The following WASHC5 variants were observed in gnomAD, a reference collection of about 807,000 sequenced individuals.
WASHC5 encodes the protein WASH complex subunit 5.
A neutral mutation model predicts 150.4 loss-of-function variants in WASHC5; 101 were observed. The observed-to-expected ratio is 0.67, with a 90% CI of 0.57 to 0.79. The LOEUF (loss-of-function observed/expected upper bound fraction) is 0.79. Among genes scored for constraint, WASHC5 ranks in the 30% least tolerant of loss-of-function variants. The pLI is 0.00. For synonymous variants in WASHC5, 467 were observed against 491.2 expected (o/e 0.95, Z 0.65); for missense variants, 1,195 against 1,396.3 (o/e 0.86, Z 2.30).
rs775481571 is a variant in WASHC5 at position 125,047,351 on chromosome 8, A to C, written c.2380-20T>G. 4 of 1,610,886 alleles carry C rather than the reference A, an allele frequency of 2.5e-6. No individual in the cohort carries two copies. ...TTGAATCTAGAAAACAAAACCATCA[A>C]TATTTAGTAAACCTTTGATAAGATA... On this transcript the variant is annotated intron_variant, in intron 19 of 28. Coordinates refer to ENST00000318410, the MANE Select transcript of WASHC5 (RefSeq NM_014846.4).
At chr8:125,048,057 A>C (rs543078896) in intron 19 of WASHC5, among the ~76,000 whole-genome samples, 2 of 152,208 alleles carry the variant, frequency 1.3e-5, no homozygotes, top group Non-Finnish European at 1.5e-5. Flanking sequence ...CATTAATAAT[A>C]GTCTCCCAGA....
intron 17 of WASHC5, among the ~76,000 whole-genome samples, chr8:125,055,194 CAGAT>C (rs769302316): frequency 2.0e-5 from 3 of 152,146 alleles, no homozygotes; most frequent in Non-Finnish European, 4.4e-5. Flanking sequence ...AAGGCCACGA[CAGAT>C]GGATCACTTG....
chr8:125,024,665 T>C lies in WASHC5; in HGVS notation c.3432A>G (p.Glu1144=). Residue 1144 remains glutamate (E), a synonymous_variant, in exon 29 of 29, where the codon GAA becomes GAG. Transcript: ENST00000318410. The part of the protein sequence containing the change: ...RYTKLPRRVA[E]AHVPNFIFDE... ...CAAAAATGAAATTAGGCACATGTGC[T>C]TCAGCAACCTGAAAAATTAAAGAAT... 6.2e-7 allele frequency: 1 copy of C among 1,606,970 alleles called. No homozygotes were observed. Among genetic ancestry groups the C allele is most frequent in the Non-Finnish European group, 8.5e-7 (1 of 1,173,576 alleles).
chr8:125,070,759 T>C (rs1408288542), intron 9 of WASHC5, among the ~76,000 whole-genome samples: 2 of 152,246 alleles, frequency 1.3e-5, no homozygotes, highest in Non-Finnish European at 2.9e-5. Flanking sequence ...GGGTAAATTG[T>C]AAATGGATAT....
At chr8:125,089,905 C>T (rs529894827) in intron 1 of WASHC5, among the ~76,000 whole-genome samples, 154 of 150,798 alleles carry the variant, frequency 1.0e-3, no homozygotes, top group African/African-American at 3.5e-3. Flanking sequence ...GGTAAATCAC[C>T]TTTCTAAAAT....
intron 26 of WASHC5, among the ~76,000 whole-genome samples, chr8:125,034,328 G>C (rs1373373967): frequency 6.6e-6 from 1 of 152,048 alleles, no homozygotes; most frequent in Non-Finnish European, 1.5e-5. Flanking sequence ...GGTGAAACCT[G>C]TCTCTACTAA....
intron 23 of WASHC5, 87 bp downstream of exon 23, chr8:125,043,738 T>A (rs1205441320): frequency 2.0e-5 from 17 of 869,060 alleles, no homozygotes; most frequent in Non-Finnish European, 3.2e-5. Flanking sequence ...GAAAGAAGAG[T>A]AGCTTTTTTT....
In WASHC5 at chr8:125,075,051, C is replaced by T. The variant is rs369907672; in HGVS notation, c.925G>A (p.Ala309Thr). The T allele has an allele frequency of 7.8e-5, 126 of 1,613,050 alleles. 1 individual carries two copies. Among genetic ancestry groups the T allele is most frequent in the Non-Finnish European group, 1.0e-4 (119 of 1,179,294 alleles). ...NLVDAWEPYK[A>T]AKTALNNTLD... ...GTATTATTTAAAGCAGTTTTTGCAG[C>T]TTTGTAAGGTTCCCAAGCATCTACT... The change falls in exon 8 of 29, where the codon GCT becomes ACT. Residue 309 changes from alanine (A) to threonine (T), a missense_variant. Coordinates refer to ENST00000318410, the MANE Select transcript of WASHC5 (RefSeq NM_014846.4).
rs1221495968 is a variant in WASHC5 at position 125,043,562 on chromosome 8, C to A, written c.2850+263G>T. ...AGTTCAATTTTCATATATAAAAGCA[C>A]CTCTAGCCAAAAGGCATTTTACAAA... is the stretch of plus-strand genomic sequence containing the variant. On this transcript the variant is annotated intron_variant, in intron 23 of 28. Coordinates refer to ENST00000318410, the MANE Select transcript of WASHC5 (RefSeq NM_014846.4). Among the ~76,000 whole-genome samples, 10 of 152,114 alleles carry A rather than the reference C, an allele frequency of 6.6e-5. No homozygotes were observed. In the East Asian group the frequency reaches 1.9e-3, roughly 29 times the overall value.
At chr8:125,069,978 T>C (rs1472045783) in intron 9 of WASHC5, among the ~76,000 whole-genome samples, 1 of 152,228 alleles carries the variant, frequency 6.6e-6, no homozygotes, top group Non-Finnish European at 1.5e-5. Context: ...TGCTTTAACA[T>C]TTAGCTTCTT....
At chr8:125,078,356 T>C (rs187413207) in intron 6 of WASHC5, among the ~76,000 whole-genome samples, 272 of 152,286 alleles carry the variant, frequency 1.8e-3, no homozygotes, top group African/African-American at 6.4e-3. Flanking sequence ...TGCTTTACTA[T>C]AATCCTGTCA....
chr8:125,037,520 T>A (rs1438928557), intron 25 of WASHC5, among the ~76,000 whole-genome samples, 187 bp from the exon 26 acceptor site: 1 of 152,328 alleles, frequency 6.6e-6, no homozygotes, highest in South Asian at 2.1e-4. Flanking sequence ...GCCACATAAA[T>A]ACCTGTATCA....
chr8:125,086,524 A>C (rs1428290061), intron 1 of WASHC5, among the ~76,000 whole-genome samples: 1 of 152,162 alleles, frequency 6.6e-6, no homozygotes, highest in Non-Finnish European at 1.5e-5. Context: ...TAGTGGCTTC[A>C]TTTTAACTTA....
chr8:125,034,598 GT>G (rs1815644188), intron 26 of WASHC5, among the ~76,000 whole-genome samples: 1 of 152,152 alleles, frequency 6.6e-6, no homozygotes, highest in Non-Finnish European at 1.5e-5. Context: ...TGGTGAGAGT[GT>G]AACTGGCACA....
chr8:125,029,597 G>A (rs1397440539), intron 27 of WASHC5, among the ~76,000 whole-genome samples: 4 of 152,180 alleles, frequency 2.6e-5, no homozygotes, highest in Non-Finnish European at 5.9e-5. Context: ...AATAAATACA[G>A]CATCTAGCAA....
chr8:125,077,065 C>T (rs993508581), intron 6 of WASHC5, among the ~76,000 whole-genome samples: 1 of 152,320 alleles, frequency 6.6e-6, no homozygotes, highest in African/African-American at 2.4e-5. Flanking sequence ...TTTGCTGAGT[C>T]CTCATCTTCT....
chr8:125,089,758 G>A (rs1033401137), intron 1 of WASHC5, among the ~76,000 whole-genome samples: 6 of 152,208 alleles, frequency 3.9e-5, no homozygotes, highest in Non-Finnish European at 8.8e-5. Context: ...ACTTTCGTGT[G>A]TCAATCTCTT....
chr8:125,033,275 T>A (rs1208852316), intron 26 of WASHC5, among the ~76,000 whole-genome samples: 1 of 152,176 alleles, frequency 6.6e-6, no homozygotes, highest in African/African-American at 2.4e-5. Context: ...GACAAATAGA[T>A]CAATGGAACA....
At position 125,047,277 on chromosome 8, in the gene WASHC5, T is replaced by C. The variant is rs1426867574; in HGVS notation, c.2434A>G (p.Thr812Ala). 1 of 1,613,890 alleles carries C rather than the reference T, an allele frequency of 6.2e-7. No homozygotes were observed. The highest frequency in any genetic ancestry group is 8.5e-7 in the Non-Finnish European group (1 of 1,179,938). ...AACGTTACAGACTCATCCACAGGGGTAAACTTGGGTATTGGAATATGAGTG... is the reference window on the plus strand; with the variant it reads ...AACGTTACAGACTCATCCACAGGGGCAAACTTGGGTATTGGAATATGAGTG... ...QSTHIPIPKF[T>A]PVDESVTFIG... Residue 812 changes from threonine to alanine, a missense_variant, in exon 20 of 29, where the codon ACC becomes GCC. By Grantham distance (58) the Thr-to-Ala change is moderately conservative. This residue lies in a region of WASHC5 where 997 missense variants were observed against 1,168.1 expected (regional missense o/e 0.85). Coordinates refer to ENST00000318410, the MANE Select transcript of WASHC5 (RefSeq NM_014846.4).
Sources: gnomAD v4.1 joint callset for allele counts (sites outside exome capture counted in the v4.1 genomes callset) on GRCh38, gnomAD v4.1.1 for gene constraint, gnomAD v4.1.1 regional missense constraint, MANE v1.5 for transcripts, NCBI Gene and HGNC (gene_info 2026-07-23, HGNC 2026-07-21) for gene names.